The following TBC1D22B variants were observed in gnomAD, a reference collection of about 807,000 sequenced individuals.
TBC1D22B encodes the protein TBC1 domain family member 22B.
In TBC1D22B, 32 loss-of-function variants were observed where a neutral mutation model predicts 69.1. The observed-to-expected ratio is 0.46, with a 90% confidence interval of 0.35 to 0.62. TBC1D22B has a LOEUF of 0.62. Among genes scored for constraint, TBC1D22B ranks in the 20% least tolerant of loss-of-function variants. The pLI, the probability that TBC1D22B is intolerant of heterozygous loss-of-function variation, is 0.00. For synonymous variants in TBC1D22B, 206 were observed against 229.8 expected, an observed-to-expected ratio of 0.90 and a Z score of 0.94; for missense variants, 462 against 630.9, an observed-to-expected ratio of 0.73 and a Z score of 2.87.
intron 8 of TBC1D22B, among the ~76,000 whole-genome samples, chr6:37,291,999 C>T (rs1012867568): frequency 7.2e-5 from 11 of 152,216 alleles, no homozygotes; most frequent in Admixed American, 3.3e-4. Flanking sequence ...CTGTGTTTCT[C>T]TGTTTTGGTT....
At chr6:37,318,571 A>T (rs367847555) in intron 12 of TBC1D22B, among the ~76,000 whole-genome samples, 2 of 152,292 alleles carry the variant, frequency 1.3e-5, no homozygotes, top group African/African-American at 4.8e-5. Flanking sequence ...TCCCTAAGGA[A>T]GTAAGGATGG....
rs185607319 is a variant in TBC1D22B at position 37,313,743 on chromosome 6, C to T, written c.1090-73C>T. On this transcript the variant is annotated intron_variant, in intron 9 of 12. Transcript: ENST00000373491. ...TTGGAAAATGGCCTGAACTTCTAAA[C>T]GTGTTTCAGTGAATGTCAGGTGATA... 2.7e-4 allele frequency: 384 copies of T among 1,416,876 alleles called. 1 individual carries two copies. The African/African-American group carries it at 4.3e-3, about 16-fold the overall frequency. 87.8% of individuals were successfully genotyped at this position (1,416,876 alleles called of 1,614,324 possible).
Position 37,287,084 on chromosome 6 carries a change from A to C in TBC1D22B, c.867+12A>C. 1 of 1,590,648 alleles carries C rather than the reference A, an allele frequency of 6.3e-7. No homozygotes were observed. Among genetic ancestry groups the C allele is most frequent in the South Asian group, 1.2e-5 (1 of 86,588 alleles). On this transcript the variant is annotated intron_variant, in intron 7 of 12. Coordinates refer to ENST00000373491, the MANE Select transcript of TBC1D22B (RefSeq NM_017772.4). ...CACTTGTACAGGAGGTGAGGGAATT[A>C]CTTAATGTTCTTTGGCGCTTCTCCC...
At position 37,271,641 on chromosome 6, in the gene TBC1D22B, C is replaced by T. The variant is rs147411735; in HGVS notation, c.113+1991C>T. Among the ~76,000 whole-genome samples, 353 of 152,184 alleles carry T rather than the reference C, an allele frequency of 2.3e-3. 1 individual carries two copies. The highest frequency in any genetic ancestry group is 7.8e-3 in the African/African-American group (325 of 41,528). ...AAGAGAAGAAAAAAAGGATAATATA[C>T]GTTAAAGTATTTTGAATACCTAGAA... On this transcript the variant is annotated intron_variant, in intron 2 of 12. Coordinates refer to ENST00000373491, the MANE Select transcript of TBC1D22B (RefSeq NM_017772.4).
Position 37,331,223 on chromosome 6 carries a change from G to C in TBC1D22B, c.*51G>C, listed in dbSNP as rs1037807009. ...CTGCCTTCATCTCTGATGGCAGTCTGATCACTGTGGCCACTGTGCGAGCCG... is the reference window on the plus strand; with the variant it reads ...CTGCCTTCATCTCTGATGGCAGTCTCATCACTGTGGCCACTGTGCGAGCCG... On this transcript the variant is annotated 3_prime_UTR_variant, in exon 13 of 13. Transcript: ENST00000373491. 8 of 1,601,130 alleles carry C rather than the reference G, an allele frequency of 5.0e-6. No homozygotes were observed. In the African/African-American group the frequency reaches 9.4e-5, roughly 19 times the overall value.
chr6:37,283,249 T>C (rs1766895278), intron 5 of TBC1D22B, among the ~76,000 whole-genome samples: 1 of 152,208 alleles, frequency 6.6e-6, no homozygotes, highest in Non-Finnish European at 1.5e-5. Flanking sequence ...TTGAGTAAGC[T>C]CCAACGTTCC....
Position 37,257,980 on chromosome 6 carries a change from C to T in TBC1D22B, c.56+7C>T. 6 of 1,613,950 alleles carry T rather than the reference C, an allele frequency of 3.7e-6. No homozygotes were observed. Among genetic ancestry groups the T allele is most frequent in the Non-Finnish European group, 5.1e-6 (6 of 1,179,960 alleles). On this transcript the variant is annotated splice_region_variant and intron_variant, in intron 1 of 12. Coordinates refer to ENST00000373491, the MANE Select transcript of TBC1D22B (RefSeq NM_017772.4). ...GCGCTAAGCTGCCGGGGAGGTGAGC[C>T]CAGGACGCTGAGAGGGATAGGGGAT...
chr6:37,301,690 C>G (rs1250628461), intron 8 of TBC1D22B, among the ~76,000 whole-genome samples: 1 of 152,230 alleles, frequency 6.6e-6, no homozygotes, highest in African/African-American at 2.4e-5. Context: ...CACCCTCACA[C>G]CTTTCTTGAA....
At chr6:37,305,729 C>T (rs2113771774) in intron 8 of TBC1D22B, among the ~76,000 whole-genome samples, 1 of 152,236 alleles carries the variant, frequency 6.6e-6, no homozygotes, top group East Asian at 1.9e-4. Flanking sequence ...ACTGTGTTAG[C>T]CAGAATGGTC....
intron 1 of TBC1D22B, among the ~76,000 whole-genome samples, chr6:37,258,347 A>G (rs546792380): frequency 2.6e-5 from 4 of 152,202 alleles, no homozygotes; most frequent in African/African-American, 9.6e-5. Context: ...GGTCTCCACC[A>G]CGCACAGGTG....
In TBC1D22B at chr6:37,291,371, G is replaced by T. The variant is rs766920102; in HGVS notation, c.982+14G>T. On this transcript the variant is annotated intron_variant, in intron 8 of 12. Transcript: ENST00000373491. ...CAGAATATGTGGGTAAGAAGCATTA[G>T]TACCAAGCTGAACAAGCTATTGCTC... The T allele has an allele frequency of 6.5e-6, 10 of 1,549,934 alleles. No homozygotes were observed. In the East Asian group the frequency reaches 2.0e-4, roughly 32 times the overall value.
At chr6:37,301,322 G>T (rs1461992951) in intron 8 of TBC1D22B, among the ~76,000 whole-genome samples, 1 of 152,166 alleles carries the variant, frequency 6.6e-6, no homozygotes, top group Admixed American at 6.5e-5. Context: ...TTACAGAGTT[G>T]TATGTCACCA....
intron 8 of TBC1D22B, among the ~76,000 whole-genome samples, chr6:37,308,387 C>G (rs1022227785): frequency 1.3e-5 from 2 of 152,238 alleles, no homozygotes; most frequent in African/African-American, 2.4e-5. Flanking sequence ...CCTTTCTCCA[C>G]TGCTTTTTGC....
Position 37,257,814 on chromosome 6 carries a change from G to A in TBC1D22B, c.-104G>A, listed in dbSNP as rs1288936674. The A allele has an allele frequency of 7.6e-7, 1 of 1,312,320 alleles. No homozygotes were observed. Among genetic ancestry groups the A allele is most frequent in the Non-Finnish European group, 1.1e-6 (1 of 946,828 alleles). 81.3% of individuals were successfully genotyped at this position (1,312,320 alleles called of 1,614,324 possible). ...CCCAGGAGCTGGGAGCGGGTGACCG[G>A]CGGCGGGGAAGCGGCCTGGGTTGGC... On this transcript the variant is annotated 5_prime_UTR_variant, in exon 1 of 13. Coordinates refer to ENST00000373491, the MANE Select transcript of TBC1D22B (RefSeq NM_017772.4).
intron 8 of TBC1D22B, among the ~76,000 whole-genome samples, chr6:37,304,568 A>T (rs1767654735): frequency 6.6e-6 from 1 of 152,250 alleles, no homozygotes; most frequent in Non-Finnish European, 1.5e-5. Context: ...ATGGAGTTAA[A>T]AATAGGTAAA....
chr6:37,281,325 A>G (rs555387479), intron 3 of TBC1D22B, among the ~76,000 whole-genome samples: 7 of 152,360 alleles, frequency 4.6e-5, no homozygotes, highest in Admixed American at 1.3e-4. Flanking sequence ...TATGCCTTAT[A>G]CATATGAAGC....
At chr6:37,263,253 C>G (rs1766165724) in intron 1 of TBC1D22B, among the ~76,000 whole-genome samples, 1 of 152,150 alleles carries the variant, frequency 6.6e-6, no homozygotes, top group South Asian at 2.1e-4. Flanking sequence ...GGAGAAGATG[C>G]TGTGTATGAT....
intron 8 of TBC1D22B, among the ~76,000 whole-genome samples, chr6:37,306,409 G>A (rs1262904776): frequency 6.6e-6 from 1 of 152,206 alleles, no homozygotes; most frequent in Non-Finnish European, 1.5e-5. Context: ...GCCTCCCAGA[G>A]CCTGTTCACA....
intron 12 of TBC1D22B, among the ~76,000 whole-genome samples, chr6:37,330,825 G>T (rs1562072735): frequency 6.6e-6 from 1 of 152,092 alleles, no homozygotes; most frequent in African/African-American, 2.4e-5. Context: ...AAAGAGACAG[G>T]TGTTAGTGGA....
Sources: gnomAD v4.1 joint callset for allele counts (sites outside exome capture counted in the v4.1 genomes callset) on GRCh38, gnomAD v4.1.1 for gene constraint, MANE v1.5 for transcripts, NCBI Gene and HGNC (gene_info 2026-07-23, HGNC 2026-07-21) for gene names.